Variants in PDE3A observed in about 807,000 individuals in gnomAD.
PDE3A encodes the protein phosphodiesterase 3A, also known as cGMP-inhibited 3',5'-cyclic phosphodiesterase 3A.
A neutral mutation model predicts 98.3 loss-of-function variants in PDE3A; 43 were observed. That is an observed-to-expected ratio of 0.44 (90% confidence interval 0.34 to 0.56). PDE3A has a LOEUF of 0.56. PDE3A is among the 20% of genes least tolerant of loss of function. The pLI is 0.01. For synonymous variants in PDE3A, 663 were observed against 567.9 expected (o/e 1.17, Z -2.38); for missense variants, 1,427 against 1,440.7 (o/e 0.99, Z 0.15).
intron 1 of PDE3A, among the ~76,000 whole-genome samples, chr12:20,481,981 G>A (rs7137427): frequency 0.072 from 10,947 of 151,550 alleles, 859 homozygotes; most frequent in African/African-American, 0.2. Context: ...AGCCAGGATG[G>A]TCTCGATCTC....
intron 1 of PDE3A, among the ~76,000 whole-genome samples, chr12:20,453,496 G>A (rs1370640488): frequency 6.6e-6 from 1 of 152,038 alleles, no homozygotes; most frequent in African/African-American, 2.4e-5. Flanking sequence ...TGATAATGTA[G>A]AAGTCATTTG....
At chr12:20,670,916 T>G (rs1339939415) in intron 15 of PDE3A, among the ~76,000 whole-genome samples, 4 of 130,396 alleles carry the variant, frequency 3.1e-5, no homozygotes, top group East Asian at 2.2e-4. Flanking sequence ...AGGAGCTGGT[T>G]TTTTGAAAGG....
chr12:20,666,993 T>A (rs985009834), intron 15 of PDE3A, among the ~76,000 whole-genome samples: 5 of 152,202 alleles, frequency 3.3e-5, no homozygotes, highest in Non-Finnish European at 7.3e-5. Flanking sequence ...TGATATCTCA[T>A]TGTGGCTTTG....
intron 1 of PDE3A, among the ~76,000 whole-genome samples, chr12:20,537,847 C>G (rs1349576725): frequency 3.3e-5 from 1 of 29,948 alleles, no homozygotes; most frequent in Admixed American, 4.5e-4. Flanking sequence ...TGCCTTTGTT[C>G]TTAAAAAAAA....
chr12:20,568,768 AT>A (rs1396016919), intron 2 of PDE3A, among the ~76,000 whole-genome samples: 2 of 152,030 alleles, frequency 1.3e-5, no homozygotes, highest in South Asian at 4.1e-4. Context: ...CATTATTCCC[AT>A]TAATAGATAT....
chr12:20,521,077 G>T (rs1225698901), intron 1 of PDE3A, among the ~76,000 whole-genome samples: 1 of 151,180 alleles, frequency 6.6e-6, no homozygotes, highest in East Asian at 1.9e-4. Flanking sequence ...TTTATTTGTT[G>T]TATACCTTTT....
intron 2 of PDE3A, among the ~76,000 whole-genome samples, chr12:20,585,970 G>C (rs1019172418): frequency 6.6e-6 from 1 of 152,178 alleles, no homozygotes; most frequent in Non-Finnish European, 1.5e-5. Context: ...ATGGGAGCAT[G>C]GATATGCACA....
At chr12:20,581,611 CTT>C (rs903970940) in intron 2 of PDE3A, among the ~76,000 whole-genome samples, 2 of 76,366 alleles carry the variant, frequency 2.6e-5, no homozygotes, top group Admixed American at 5.0e-4. Context: ...GATTTCTTTT[CTT>C]TTCTTTTTTT....
intron 1 of PDE3A, among the ~76,000 whole-genome samples, chr12:20,459,227 TATAA>T (rs1565556044): frequency 6.6e-6 from 1 of 152,158 alleles, no homozygotes; most frequent in Non-Finnish European, 1.5e-5. Context: ...TCTATATTTT[TATAA>T]ATACTTTTTA....
chr12:20,667,770 G>C (rs1249381095), intron 15 of PDE3A, among the ~76,000 whole-genome samples: 4 of 152,118 alleles, frequency 2.6e-5, no homozygotes, highest in African/African-American at 9.7e-5. Flanking sequence ...TGGTTCCATA[G>C]AGATTTTGGA....
chr12:20,686,895 A>T lies in PDE3A; in HGVS notation c.*6624A>T, dbSNP rs1030739288. On this transcript the variant is annotated 3_prime_UTR_variant, in exon 16 of 16. Coordinates refer to ENST00000359062, the MANE Select transcript of PDE3A (RefSeq NM_000921.5). ...GGAGTGAACACTACATAAAATTTGC[A>T]GGGTATCCCAGGACACCCCTCAGTC... Among the ~76,000 whole-genome samples, 3 of 152,140 alleles carry T rather than the reference A, an allele frequency of 2.0e-5. No individual in the cohort carries two copies. Among genetic ancestry groups the T allele is most frequent in the Non-Finnish European group, 4.4e-5 (3 of 68,004 alleles).
At position 20,422,171 on chromosome 12, in the gene PDE3A, T is replaced by C. The variant is rs550916184; in HGVS notation, c.960+51927T>C. Among the ~76,000 whole-genome samples, 179 of 151,920 alleles carry C rather than the reference T, an allele frequency of 1.2e-3. 1 individual carries two copies. The highest frequency in any genetic ancestry group is 5.2e-3 in the South Asian group (25 of 4,806). ...ACCATCCTGGCTAACACGGTGAAAC[T>C]CCATCTCTACTAAAAATACAAAAAA... On this transcript the variant is annotated intron_variant, in intron 1 of 15. Transcript: ENST00000359062.
chr12:20,415,578 T>C (rs1273743910), intron 1 of PDE3A, among the ~76,000 whole-genome samples: 1 of 151,912 alleles, frequency 6.6e-6, no homozygotes, highest in Non-Finnish European at 1.5e-5. Flanking sequence ...GCTGGGCTTA[T>C]AGGCACCCGC....
intron 1 of PDE3A, among the ~76,000 whole-genome samples, chr12:20,490,110 G>A (rs1044486802): frequency 6.6e-6 from 1 of 152,134 alleles, no homozygotes; most frequent in Non-Finnish European, 1.5e-5. Flanking sequence ...TTCACATTGA[G>A]AGGAGGTGAA....
In PDE3A at chr12:20,449,178, C is replaced by T. The variant is rs377678188; in HGVS notation, c.960+78934C>T. On this transcript the variant is annotated intron_variant, in intron 1 of 15. Coordinates refer to ENST00000359062, the MANE Select transcript of PDE3A (RefSeq NM_000921.5). ...ACCTAAATGGTGAAAAGATTTCCCA[C>T]TCAAATTGTCCCCTAGCAAGAGAAG... is the stretch of plus-strand genomic sequence containing the variant. Among the ~76,000 whole-genome samples, 727 of 152,294 alleles carry T rather than the reference C, an allele frequency of 4.8e-3. 3 individuals are homozygous for T. Among genetic ancestry groups the T allele is most frequent in the Admixed American group, 0.014 (216 of 15,300 alleles).
chr12:20,449,153 A>G (rs562158199), intron 1 of PDE3A, among the ~76,000 whole-genome samples: 9 of 152,328 alleles, frequency 5.9e-5, no homozygotes, highest in Non-Finnish European at 1.0e-4. Flanking sequence ...GACACTCCAG[A>G]CCTAAATGGT....
intron 1 of PDE3A, among the ~76,000 whole-genome samples, chr12:20,430,218 T>C (rs1219225081): frequency 6.6e-6 from 1 of 152,178 alleles, no homozygotes; most frequent in African/African-American, 2.4e-5. Context: ...TATTTGTGGC[T>C]CAGCATTGTT....
At chr12:20,608,705 C>G (rs376088359) in intron 2 of PDE3A, among the ~76,000 whole-genome samples, 1 of 151,944 alleles carries the variant, frequency 6.6e-6, no homozygotes, top group South Asian at 2.1e-4. Flanking sequence ...AAAAGACACA[C>G]AATTTGATAA....
chr12:20,467,512 C>A (rs1394940746), intron 1 of PDE3A, among the ~76,000 whole-genome samples: 1 of 151,930 alleles, frequency 6.6e-6, no homozygotes, highest in African/African-American at 2.4e-5. Flanking sequence ...TTATTTTATT[C>A]TTGTATGTGA....
Sources: allele counts gnomAD v4.1 joint callset (sites outside exome capture counted in the v4.1 genomes callset), GRCh38; gene constraint gnomAD v4.1.1; transcripts MANE v1.5; gene names NCBI Gene and HGNC (gene_info 2026-07-23, HGNC 2026-07-21).